The following TFCP2L1 variants were observed in gnomAD, a reference collection of about 807,000 sequenced individuals.
The protein encoded by TFCP2L1 is transcription factor CP2 like 1.
TFCP2L1 carries 12 observed loss-of-function variants against 72.2 expected under a neutral mutation model. The ratio of observed to expected loss-of-function variants is 0.17; its 90% CI spans 0.11 to 0.27. The LOEUF (loss-of-function observed/expected upper bound fraction) is 0.27, where lower values mean the gene tolerates loss of function less well. Ranked by LOEUF, TFCP2L1 falls within the 10% of genes least tolerant of loss-of-function variation. The probability of loss-of-function intolerance (pLI) is 1.00; values close to 1 mark genes in which losing one functional copy is unlikely to be tolerated. For synonymous variants in TFCP2L1, 260 were observed against 251.0 expected (o/e 1.04, Z -0.34); for missense variants, 488 against 624.6 (o/e 0.78, Z 2.33).
intron 2 of TFCP2L1, among the ~76,000 whole-genome samples, chr2:121,256,440 C>T (rs955492421): frequency 2.6e-5 from 4 of 152,030 alleles, no homozygotes; most frequent in Non-Finnish European, 5.9e-5. Flanking sequence ...ACTGGTTATC[C>T]ATATGGAAAA....
Position 121,219,789 on chromosome 2 carries a change from G to A in TFCP2L1, c.*4552C>T, listed in dbSNP as rs945333171. 3.3e-5 allele frequency: 5 copies of A among 152,196 alleles called. No individual in the cohort carries two copies. The highest frequency in any genetic ancestry group is 1.2e-4 in the African/African-American group (5 of 41,436). The allele number at this position is 152,196 out of a possible 1,614,324, so 9.4% of individuals were successfully genotyped here. Reference sequence around the variant, plus strand: ...TCCAGCTTTTTGTACGATTTTGATGGAGGGAAAAATGGGAAAACCCCTCAG... The same window carrying A: ...TCCAGCTTTTTGTACGATTTTGATGAAGGGAAAAATGGGAAAACCCCTCAG... On this transcript the variant is annotated 3_prime_UTR_variant, in exon 15 of 15. Transcript: ENST00000263707.
chr2:121,232,895 T>C (rs978979132), intron 12 of TFCP2L1, among the ~76,000 whole-genome samples: 1 of 151,970 alleles, frequency 6.6e-6, no homozygotes, highest in Non-Finnish European at 1.5e-5. Flanking sequence ...CCAGGGTGGG[T>C]TACTCAACTT....
intron 2 of TFCP2L1, among the ~76,000 whole-genome samples, chr2:121,252,746 C>T (rs1305199240): frequency 6.6e-6 from 1 of 152,150 alleles, no homozygotes; most frequent in Admixed American, 6.5e-5. Context: ...TCTCCAGAAC[C>T]GTGAGAGAAT....
chr2:121,264,069 T>C (rs1434924685), intron 2 of TFCP2L1, among the ~76,000 whole-genome samples: 1 of 152,166 alleles, frequency 6.6e-6, no homozygotes, highest in Non-Finnish European at 1.5e-5. Flanking sequence ...GCACCTCTGC[T>C]CCAAGCCCTG....
chr2:121,255,745 ATTT>A (rs67001640), intron 2 of TFCP2L1, among the ~76,000 whole-genome samples: 1 of 141,506 alleles, frequency 7.1e-6, no homozygotes. Context: ...CCCTGAACTT[ATTT>A]TTTTTTTTTT....
At chr2:121,276,614 T>C (rs1487466780) in intron 2 of TFCP2L1, among the ~76,000 whole-genome samples, 1 of 145,210 alleles carries the variant, frequency 6.9e-6, no homozygotes, top group East Asian at 2.0e-4. Context: ...GTCGGGGTGA[T>C]GGAGCAAGAC....
chr2:121,259,222 G>A (rs985248690), intron 2 of TFCP2L1, among the ~76,000 whole-genome samples: 1 of 151,930 alleles, frequency 6.6e-6, no homozygotes, highest in African/African-American at 2.4e-5. Flanking sequence ...GGCGGAGGCT[G>A]CAGTGAGCTG....
chr2:121,255,312 AAATCATTATAG>A (rs1206699232), intron 2 of TFCP2L1, among the ~76,000 whole-genome samples: 1 of 152,192 alleles, frequency 6.6e-6, no homozygotes, highest in East Asian at 1.9e-4. Context: ...GAGGGAAAAC[AAATCATTATAG>A]AAGGTGGTGG....
At position 121,239,660 on chromosome 2, in the gene TFCP2L1, G is replaced by C; in HGVS notation, c.769-11C>G. 6.2e-7 allele frequency: 1 copy of C among 1,612,610 alleles called. No homozygotes were observed. The highest frequency in any genetic ancestry group is 8.5e-7 in the Non-Finnish European group (1 of 1,179,176). On this transcript the variant is annotated splice_polypyrimidine_tract_variant and intron_variant, in intron 7 of 14. Transcript: ENST00000263707. ...GGGCCATGGAGAGCACTGCAGGAGA[G>C]AGCACAGGGCGAGCTGGGATCTGGA... is the stretch of plus-strand genomic sequence containing the variant.
Position 121,223,062 on chromosome 2 carries a change from G to A in TFCP2L1, c.*1279C>T, listed in dbSNP as rs548765830. The stretch of plus-strand genomic sequence containing the variant: ...ACAAGTTCTCCCCATTGTAGACCCT[G>A]TTTTATTCTGGTAGTCCTTCAGTCT... On this transcript the variant is annotated 3_prime_UTR_variant, in exon 15 of 15. Coordinates refer to ENST00000263707, the MANE Select transcript of TFCP2L1 (RefSeq NM_014553.3). The A allele has an allele frequency of 3.2e-4, 48 of 152,316 alleles. No individual in the cohort carries two copies. Among genetic ancestry groups the A allele is most frequent in the African/African-American group, 1.2e-3 (48 of 41,556 alleles). The allele number at this position is 152,316 out of a possible 1,614,324, so 9.4% of individuals were successfully genotyped here. A position where few individuals can be genotyped will look rare whatever the true frequency, so the allele number is the denominator to read the frequency against.
intron 2 of TFCP2L1, among the ~76,000 whole-genome samples, chr2:121,271,194 T>TAAAAAAAA (rs1558744728): frequency 9.0e-6 from 1 of 111,158 alleles, no homozygotes; most frequent in Non-Finnish European, 1.7e-5. Context: ...CGTCTCAAAA[T>TAAAAAAAA]AAAAATAAAA....
chr2:121,263,469 CAAAAAAAAAA>C (rs10603088), intron 2 of TFCP2L1, among the ~76,000 whole-genome samples: 4 of 67,516 alleles, frequency 5.9e-5, no homozygotes, highest in African/African-American at 2.2e-4. Context: ...CTGTTTTTGG[CAAAAAAAAAA>C]AAAAAAAAAA....
chr2:121,269,956 T>C (rs1310440750), intron 2 of TFCP2L1, among the ~76,000 whole-genome samples: 1 of 144,900 alleles, frequency 6.9e-6, no homozygotes, highest in Non-Finnish European at 1.5e-5. Flanking sequence ...ATAAACTAAT[T>C]TAAAAAGGAA....
intron 6 of TFCP2L1, among the ~76,000 whole-genome samples, chr2:121,245,990 A>C (rs969804722): frequency 1.3e-5 from 2 of 152,226 alleles, no homozygotes; most frequent in African/African-American, 2.4e-5. Flanking sequence ...AACAAGAGGA[A>C]GATGGAATGA....
intron 6 of TFCP2L1, 26 bp downstream of exon 6, chr2:121,246,792 C>G: frequency 6.2e-7 from 1 of 1,613,600 alleles, no homozygotes; most frequent in South Asian, 1.1e-5. Flanking sequence ...CAGCAGGGCA[C>G]GGCAGAGCCT....
chr2:121,280,090 C>T (rs949015608), intron 2 of TFCP2L1, among the ~76,000 whole-genome samples: 3 of 152,080 alleles, frequency 2.0e-5, no homozygotes. Flanking sequence ...AGGGAACCAG[C>T]AACTGAACAA....
Position 121,218,913 on chromosome 2 carries a change from T to A in TFCP2L1, c.*5428A>T, listed in dbSNP as rs1685880620. On this transcript the variant is annotated 3_prime_UTR_variant, in exon 15 of 15. Transcript: ENST00000263707. ...AGCTCTCAGGGTGCCCCTGGGCAGG[T>A]CCCAAGGAGGCCTGGGGTGCCTGAC... 6.6e-6 allele frequency: 1 copy of A among 152,076 alleles called. No individual in the cohort carries two copies. The highest frequency in any genetic ancestry group is 6.6e-5 in the Admixed American group (1 of 15,256). 9.4% of individuals were successfully genotyped at this position (152,076 alleles called of 1,614,324 possible). A position where few individuals can be genotyped will look rare whatever the true frequency, so the allele number is the denominator to read the frequency against.
At chr2:121,240,405 T>C (rs971353232) in intron 7 of TFCP2L1, 3 of 985,420 alleles carry the variant, frequency 3.0e-6, no homozygotes, top group Non-Finnish European at 3.6e-6. Flanking sequence ...TGATGCCTCT[T>C]CAGAGAGGGC....
intron 2 of TFCP2L1, among the ~76,000 whole-genome samples, chr2:121,253,171 C>A (rs1361646326): frequency 1.3e-5 from 2 of 152,208 alleles, no homozygotes; most frequent in Non-Finnish European, 2.9e-5. Context: ...CTGGGTCAGA[C>A]TCCGTCTCAG....
Sources: allele counts gnomAD v4.1 joint callset (sites outside exome capture counted in the v4.1 genomes callset), GRCh38; gene constraint gnomAD v4.1.1; transcripts MANE v1.5; gene names NCBI Gene and HGNC (gene_info 2026-07-23, HGNC 2026-07-21).